Variants in SP140L observed in about 807,000 individuals in gnomAD.
The protein encoded by SP140L is nuclear body protein SP140-like protein.
SP140L carries 64 observed loss-of-function variants against 84.3 expected under a neutral mutation model. That is an observed-to-expected ratio of 0.76 (90% CI 0.62 to 0.94). The LOEUF (loss-of-function observed/expected upper bound fraction) is 0.94. Among genes scored for constraint, SP140L ranks in the 40% least tolerant of loss-of-function variants. SP140L has a pLI of 0.00. For missense variants in SP140L, 628 were observed against 692.5 expected, an observed-to-expected ratio of 0.91 and a Z score of 1.05; for synonymous variants, 242 against 236.9, an observed-to-expected ratio of 1.02 and a Z score of -0.20.
chr2:230,385,057 C>G (rs2061528459), intron 8 of SP140L, among the ~76,000 whole-genome samples, 167 bp from the exon 9 acceptor site: 1 of 152,114 alleles, frequency 6.6e-6, no homozygotes, highest in Non-Finnish European at 1.5e-5. Context: ...CGGTTAAATT[C>G]TGTGTGTAAT....
intron 5 of SP140L, among the ~76,000 whole-genome samples, chr2:230,370,393 G>C (rs1012479728): frequency 5.3e-5 from 8 of 152,056 alleles, no homozygotes; most frequent in African/African-American, 1.9e-4. Context: ...CAAGGAAATA[G>C]GTTGTCCTCT....
intron 6 of SP140L, 40 bp from the exon 7 acceptor site, chr2:230,371,558 A>G: frequency 4.7e-6 from 7 of 1,488,804 alleles, no homozygotes; most frequent in Non-Finnish European, 5.5e-6. Context: ...ACTTTTATTT[A>G]TTAATTTCTG....
chr2:230,327,237 C>A lies in SP140L; in HGVS notation c.-33C>A. 6.2e-7 allele frequency: 1 copy of A among 1,601,594 alleles called. No homozygotes were observed. Among genetic ancestry groups the A allele is most frequent in the Admixed American group, 1.7e-5 (1 of 58,192 alleles). On this transcript the variant is annotated 5_prime_UTR_variant, in exon 1 of 19. Transcript: ENST00000415673. Reference sequence around the variant, plus strand: ...CCGACTGGGGAGCTCATAGGCCAGGCTCTGACACCCAGGCAGGGCCTAGGG... The same window carrying A: ...CCGACTGGGGAGCTCATAGGCCAGGATCTGACACCCAGGCAGGGCCTAGGG...
chr2:230,401,230 A>G (rs1671811538), intron 16 of SP140L, 136 bp from the exon 17 acceptor site: 7 of 1,179,058 alleles, frequency 5.9e-6, no homozygotes, highest in Non-Finnish European at 7.1e-6. Flanking sequence ...TAACTCAGCC[A>G]TGACATGTCT....
chr2:230,377,395 G>T (rs530616312), intron 7 of SP140L, among the ~76,000 whole-genome samples: 1 of 152,252 alleles, frequency 6.6e-6, no homozygotes, highest in Non-Finnish European at 1.5e-5. Flanking sequence ...AATTCATACA[G>T]TATTGAATTT....
chr2:230,375,445 T>C (rs927879992), intron 7 of SP140L, among the ~76,000 whole-genome samples: 1 of 152,288 alleles, frequency 6.6e-6, no homozygotes, highest in East Asian at 1.9e-4. Context: ...TGTTTTTCTA[T>C]TTTTAATTTT....
chr2:230,358,034 C>G (rs1038054983), intron 3 of SP140L, 67 bp downstream of exon 3: 20 of 1,561,918 alleles, frequency 1.3e-5, no homozygotes, highest in Middle Eastern at 1.8e-4. Context: ...TCTGTAAGTG[C>G]TCCTGTAAAG....
intron 2 of SP140L, among the ~76,000 whole-genome samples, chr2:230,340,424 A>G (rs941483597): frequency 2.7e-5 from 4 of 148,722 alleles, no homozygotes; most frequent in African/African-American, 9.9e-5. Context: ...CAGCACACTG[A>G]TGGGTCTTGA....
chr2:230,400,265 T>C (rs528221873), intron 15 of SP140L, 23 bp downstream of exon 15: 71 of 1,610,790 alleles, frequency 4.4e-5, no homozygotes, highest in Non-Finnish European at 5.9e-5. Flanking sequence ...CAGGCACCTC[T>C]CTTTCATCCT....
chr2:230,371,248 TCCATGGAAC>T (rs2061059368), intron 6 of SP140L, among the ~76,000 whole-genome samples: 1 of 152,228 alleles, frequency 6.6e-6, no homozygotes, highest in African/African-American at 2.4e-5. Context: ...CACTCAATAT[TCCATGGAAC>T]CCAAGATAAC....
chr2:230,369,986 C>A (rs990493348), intron 5 of SP140L, among the ~76,000 whole-genome samples: 12 of 148,004 alleles, frequency 8.1e-5, no homozygotes, highest in Admixed American at 2.0e-4. Context: ...GTTGGCCAGG[C>A]TGGTCTTGAA....
intron 8 of SP140L, among the ~76,000 whole-genome samples, chr2:230,383,831 G>A (rs1257179456): frequency 6.6e-6 from 1 of 152,180 alleles, no homozygotes; most frequent in Non-Finnish European, 1.5e-5. Flanking sequence ...ACTTTCTTCA[G>A]TAGCTCAAGA....
intron 4 of SP140L, 144 bp from the exon 5 acceptor site, chr2:230,361,470 T>C (rs2060714640): frequency 1.5e-6 from 1 of 675,164 alleles, no homozygotes; most frequent in Non-Finnish European, 2.6e-6. Context: ...GGTCATCTCT[T>C]CTCTGTCCCA....
intron 2 of SP140L, among the ~76,000 whole-genome samples, chr2:230,342,959 G>A (rs544165580): frequency 3.3e-5 from 5 of 152,234 alleles, no homozygotes; most frequent in African/African-American, 1.2e-4. Flanking sequence ...TTCATCAGGT[G>A]TAAAGCTACG....
At chr2:230,374,315 C>CAAA (rs35573735) in intron 7 of SP140L, among the ~76,000 whole-genome samples, 1 of 121,242 alleles carries the variant, frequency 8.2e-6, no homozygotes, top group African/African-American at 3.0e-5. Flanking sequence ...GACTCCATCT[C>CAAA]AAAAAAAAAA....
chr2:230,375,600 G>A (rs1005927220), intron 7 of SP140L, among the ~76,000 whole-genome samples: 3 of 152,118 alleles, frequency 2.0e-5, no homozygotes, highest in Non-Finnish European at 2.9e-5. Flanking sequence ...ATAGGTGTGA[G>A]GTGATATTTC....
At chr2:230,400,842 C>G in intron 15 of SP140L, 113 bp from the exon 16 acceptor site, 1 of 1,571,506 alleles carries the variant, frequency 6.4e-7, no homozygotes. Context: ...GTGTTCCCCT[C>G]CCTCCCATGA....
At chr2:230,358,252 T>C (rs2060609648) in intron 3 of SP140L, among the ~76,000 whole-genome samples, 1 of 152,228 alleles carries the variant, frequency 6.6e-6, no homozygotes, top group Non-Finnish European at 1.5e-5. Context: ...AATGAATTGA[T>C]TTACTGAAAT....
chr2:230,355,160 T>A (rs986411719), intron 2 of SP140L, among the ~76,000 whole-genome samples: 4 of 152,156 alleles, frequency 2.6e-5, no homozygotes, highest in African/African-American at 9.7e-5. Flanking sequence ...AAAGAAACAG[T>A]GAATCCGTCT....
Sources: gnomAD v4.1 joint callset for allele counts (sites outside exome capture counted in the v4.1 genomes callset) on GRCh38, gnomAD v4.1.1 for gene constraint, MANE v1.5 for transcripts, NCBI Gene and HGNC (gene_info 2026-07-23, HGNC 2026-07-21) for gene names.